Variants in OOSP3 observed in about 807,000 individuals in gnomAD.
OOSP3 encodes the protein oocyte-secreted protein 3.
intron 1 of OOSP3, 141 bp from the exon 2 acceptor site, chr11:59,880,120 G>A (rs558977281): frequency 2.5e-6 from 1 of 394,314 alleles, no homozygotes; most frequent in East Asian, 3.6e-5. Flanking sequence ...CATTTCATCT[G>A]AGTGATCATA....
At chr11:59,886,297 A>G (rs1377320323) in intron 2 of OOSP3, among the ~76,000 whole-genome samples, 2 of 152,148 alleles carry the variant, frequency 1.3e-5, no homozygotes, top group African/African-American at 2.4e-5. Flanking sequence ...TCTATCATTG[A>G]TGGGCATTTG....
At position 59,894,262 on chromosome 11, in the gene OOSP3, A is replaced by G. The variant is rs181744027; in HGVS notation, c.350+86A>G. On this transcript the variant is annotated intron_variant, in intron 3 of 4. Transcript: ENST00000646438. ...CATTTGGAATATGAAGCTTTACATC[A>G]TTAGAACCCTAGAGCGAGGTTGGTT... 3.2e-4 allele frequency: 126 copies of G among 396,566 alleles called. No individual in the cohort carries two copies. In the South Asian group the frequency reaches 0.013, roughly 42 times the overall value. 24.6% of individuals were successfully genotyped at this position (396,566 alleles called of 1,614,324 possible).
intron 2 of OOSP3, among the ~76,000 whole-genome samples, chr11:59,882,250 G>A (rs892242075): frequency 1.4e-5 from 2 of 141,388 alleles, no homozygotes; most frequent in African/African-American, 5.6e-5. Flanking sequence ...CAGAGCTGTA[G>A]GTTTCTTTTG....
At chr11:59,893,975 A>G (rs1470259889) in intron 2 of OOSP3, 104 bp from the exon 3 acceptor site, 1 of 395,668 alleles carries the variant, frequency 2.5e-6, no homozygotes, top group Non-Finnish European at 4.4e-6. Context: ...ACCTTGGTGC[A>G]GTATAAAGAG....
exon 2 of OOSP3, chr11:59,880,315 T>C (rs1853187841): frequency 2.5e-6 from 1 of 398,580 alleles, no homozygotes; most frequent in African/African-American, 2.1e-5. Context: ...CCAACTTTAC[T>C]TGGTCAAGAT....
intron 1 of OOSP3, 95 bp from the exon 2 acceptor site, chr11:59,880,166 T>C (rs1468905088): frequency 1.0e-5 from 4 of 396,780 alleles, no homozygotes; most frequent in Non-Finnish European, 1.8e-5. Context: ...GTGGTGTATA[T>C]ACATATGTTT....
intron 2 of OOSP3, among the ~76,000 whole-genome samples, chr11:59,880,935 G>A (rs1018486295): frequency 9.8e-5 from 15 of 152,320 alleles, no homozygotes; most frequent in African/African-American, 3.6e-4. Flanking sequence ...AAACATCTGA[G>A]GAGGTTTGAG....
intron 2 of OOSP3, among the ~76,000 whole-genome samples, chr11:59,883,865 G>T (rs553467311): frequency 2.6e-4 from 39 of 152,168 alleles, no homozygotes; most frequent in Non-Finnish European, 5.4e-4. Context: ...TCTCTTGCTG[G>T]ACACTGCAAA....
At chr11:59,885,084 G>A (rs945865371) in intron 2 of OOSP3, among the ~76,000 whole-genome samples, 2 of 152,096 alleles carry the variant, frequency 1.3e-5, no homozygotes, top group African/African-American at 4.8e-5. Flanking sequence ...ATCATAAATG[G>A]TATTTAATTT....
At chr11:59,880,650 T>C (rs929659909) in intron 2 of OOSP3, among the ~76,000 whole-genome samples, 2 of 152,202 alleles carry the variant, frequency 1.3e-5, no homozygotes, top group Non-Finnish European at 2.9e-5. Flanking sequence ...TCAACATATA[T>C]AGTAGTATAA....
At chr11:59,879,462 A>G (rs1415459769) in intron 1 of OOSP3, among the ~76,000 whole-genome samples, 1 of 152,040 alleles carries the variant, frequency 6.6e-6, no homozygotes, top group Non-Finnish European at 1.5e-5. Context: ...GTACAAAGTT[A>G]TTGGGTAGAA....
chr11:59,881,640 G>T (rs778984890), intron 2 of OOSP3, among the ~76,000 whole-genome samples: 6 of 152,176 alleles, frequency 3.9e-5, no homozygotes, highest in Non-Finnish European at 8.8e-5. Flanking sequence ...TATTTTGGGA[G>T]GCCGAGGCAG....
chr11:59,885,670 A>G lies in OOSP3; in HGVS notation c.252+5231A>G, dbSNP rs117246864. On this transcript the variant is annotated intron_variant, in intron 2 of 4. Transcript: ENST00000646438. ...TGATCTTCTTCCTTTTTATGGCTGC[A>G]TACTATTCCATGGTGCATATGTACC... 4.1e-3 allele frequency among the ~76,000 whole-genome samples: 619 copies of G among 152,308 alleles called. 4 individuals carry two copies. The highest frequency in any genetic ancestry group is 6.6e-3 in the African/African-American group (276 of 41,544).
At chr11:59,886,397 GT>G (rs1292069214) in intron 2 of OOSP3, among the ~76,000 whole-genome samples, 5 of 152,172 alleles carry the variant, frequency 3.3e-5, no homozygotes, top group Non-Finnish European at 5.9e-5. Context: ...ATTCTTTTGG[GT>G]ATATACCCAG....
At chr11:59,885,611 G>T (rs180838013) in intron 2 of OOSP3, among the ~76,000 whole-genome samples, 1 of 152,264 alleles carries the variant, frequency 6.6e-6, no homozygotes, top group Admixed American at 6.5e-5. Flanking sequence ...GAGGATAATG[G>T]CTTCCAACTC....
chr11:59,888,005 G>T (rs1157937842), intron 2 of OOSP3, among the ~76,000 whole-genome samples: 5 of 152,102 alleles, frequency 3.3e-5, no homozygotes, highest in Non-Finnish European at 7.4e-5. Flanking sequence ...TCTCCTTGAA[G>T]AAGTCCTTCA....
chr11:59,894,093 AAC>A lies in OOSP3; in HGVS notation c.269_270del (p.Thr90SerfsTer9). ...TGTCCCATTAGGTTTTCTCATATGT[AAC>A]AGTTTTTTATTCAGCACTCCACTGT... On this transcript the variant is annotated frameshift_variant, in exon 3 of 5. Transcript: ENST00000646438. LOFTEE classifies it high-confidence loss of function. The A allele has an allele frequency of 2.5e-6, 1 of 398,574 alleles. No homozygotes were observed. Among genetic ancestry groups the A allele is most frequent in the Non-Finnish European group, 4.4e-6 (1 of 226,038 alleles). 24.7% of individuals were successfully genotyped at this position (398,574 alleles called of 1,614,324 possible). A position where few individuals can be genotyped will look rare whatever the true frequency, so the allele number is the denominator to read the frequency against.
intron 2 of OOSP3, among the ~76,000 whole-genome samples, chr11:59,890,605 C>G (rs183812735): frequency 6.6e-6 from 1 of 152,146 alleles, no homozygotes; most frequent in Non-Finnish European, 1.5e-5. Flanking sequence ...AACATTGGCT[C>G]CCAATCTCTT....
intron 2 of OOSP3, among the ~76,000 whole-genome samples, chr11:59,892,488 C>G (rs1291142105): frequency 6.6e-6 from 1 of 152,068 alleles, no homozygotes; most frequent in Non-Finnish European, 1.5e-5. Flanking sequence ...CTCCTCTGCT[C>G]CACTTCTATT....
Sources: gnomAD v4.1 joint callset for allele counts (sites outside exome capture counted in the v4.1 genomes callset) on GRCh38, gnomAD v4.1.1 for gene constraint, MANE v1.5 for transcripts, NCBI Gene and HGNC (gene_info 2026-07-23, HGNC 2026-07-21) for gene names.